The following ZFAT variants were observed in gnomAD, a reference collection of about 807,000 sequenced individuals.
ZFAT encodes the protein zinc finger and AT-hook domain containing.
A neutral mutation model predicts 117.7 loss-of-function variants in ZFAT; 64 were observed. That is an observed-to-expected ratio of 0.54 (90% CI 0.44 to 0.67). The LOEUF (loss-of-function observed/expected upper bound fraction) is 0.67, where lower values mean the gene tolerates loss of function less well. Among genes scored for constraint, ZFAT ranks in the 30% least tolerant of loss-of-function variants. The pLI is 0.00. For synonymous variants in ZFAT, 679 were observed against 615.0 expected (o/e 1.10, Z -1.54); for missense variants, 1,433 against 1,584.5 (o/e 0.90, Z 1.62).
intron 15 of ZFAT, among the ~76,000 whole-genome samples, chr8:134,496,558 A>T (rs59582977): frequency 0.2 from 30,848 of 152,168 alleles, 3,410 homozygotes; most frequent in Non-Finnish European, 0.25. Context: ...ACTGGGCCCC[A>T]CTAGCTCAGC....
chr8:134,482,822 T>C (rs988147530), intron 15 of ZFAT, among the ~76,000 whole-genome samples: 1 of 152,220 alleles, frequency 6.6e-6, no homozygotes, highest in Non-Finnish European at 1.5e-5. Context: ...TGTGCACAAA[T>C]GTGACAGGGA....
intron 13 of ZFAT, among the ~76,000 whole-genome samples, chr8:134,518,541 T>C (rs1820407409): frequency 6.6e-6 from 1 of 152,190 alleles, no homozygotes; most frequent in African/African-American, 2.4e-5. Flanking sequence ...GATCATGTTT[T>C]CAGATATTCG....
At chr8:134,800,686 G>A in the ZFAT span, 1 of 388,148 alleles carries the variant, frequency 2.6e-6, no homozygotes. Context: ...AACAGGCACA[G>A]CATTCACATA....
At chr8:134,480,264 A>T (rs1463405235) in intron 15 of ZFAT, among the ~76,000 whole-genome samples, 1 of 152,186 alleles carries the variant, frequency 6.6e-6, no homozygotes, top group Middle Eastern at 3.2e-3. Context: ...ACCCGGCCTC[A>T]ACCACACTTT....
chr8:134,619,716 G>T (rs1828982842), intron 3 of ZFAT, among the ~76,000 whole-genome samples: 1 of 152,202 alleles, frequency 6.6e-6, no homozygotes, highest in Admixed American at 6.5e-5. Context: ...AAATAGCAAG[G>T]GAAGGCCTCT....
At chr8:134,740,173 C>T in the ZFAT span, among the ~76,000 whole-genome samples, 1 of 152,170 alleles carries the variant, frequency 6.6e-6, no homozygotes, top group Non-Finnish European at 1.5e-5. Context: ...ACCCTTGTCT[C>T]GGGGAAATCC....
chr8:134,577,330 C>G (rs1261079472), intron 10 of ZFAT, among the ~76,000 whole-genome samples: 1 of 152,168 alleles, frequency 6.6e-6, no homozygotes, highest in Non-Finnish European at 1.5e-5. Context: ...GGATCTATCA[C>G]TTTAAGCCAG....
the ZFAT span, chr8:134,793,417 G>A: frequency 6.6e-6 from 1 of 152,184 alleles, no homozygotes; most frequent in East Asian, 1.9e-4. Context: ...TGAGTGCTTG[G>A]TATGTGCCAG....
chr8:134,495,445 T>C (rs916447463), intron 15 of ZFAT, among the ~76,000 whole-genome samples: 2 of 152,174 alleles, frequency 1.3e-5, no homozygotes, highest in Non-Finnish European at 2.9e-5. Context: ...ATTTCAATCA[T>C]ATGAATTAAG....
intron 11 of ZFAT, among the ~76,000 whole-genome samples, chr8:134,563,695 A>G (rs1422514635): frequency 6.6e-6 from 1 of 152,206 alleles, no homozygotes; most frequent in African/African-American, 2.4e-5. Flanking sequence ...GGAAGATAAT[A>G]TGTACCATGA....
At chr8:134,827,832 G>A in the ZFAT span, among the ~76,000 whole-genome samples, 1 of 151,682 alleles carries the variant, frequency 6.6e-6, no homozygotes, top group Non-Finnish European at 1.5e-5. Context: ...AAAGTATGGT[G>A]CACTAATGAC....
At chr8:134,750,708 G>A in the ZFAT span, among the ~76,000 whole-genome samples, 13 of 152,174 alleles carry the variant, frequency 8.5e-5, no homozygotes, top group Non-Finnish European at 1.6e-4. Flanking sequence ...TGAAGTTGCA[G>A]TGAGCCGTGA....
the ZFAT span, among the ~76,000 whole-genome samples, chr8:134,783,188 C>G: frequency 6.6e-6 from 1 of 152,084 alleles, no homozygotes; most frequent in East Asian, 1.9e-4. Flanking sequence ...ATGAAACAAA[C>G]TTATTTTTTC....
intron 13 of ZFAT, among the ~76,000 whole-genome samples, chr8:134,518,536 T>C (rs1820407112): frequency 6.6e-6 from 1 of 152,318 alleles, no homozygotes; most frequent in South Asian, 2.1e-4. Context: ...AGGCTGATCA[T>C]GTTTTCAGAT....
chr8:134,683,120 C>G (rs1377167737), intron 1 of ZFAT, among the ~76,000 whole-genome samples: 1 of 152,166 alleles, frequency 6.6e-6, no homozygotes, highest in Non-Finnish European at 1.5e-5. Context: ...AATAAACATA[C>G]AAATTCACTA....
chr8:134,637,368 T>C (rs1830280192), intron 3 of ZFAT, 93 bp downstream of exon 3: 4 of 1,481,646 alleles, frequency 2.7e-6, no homozygotes, highest in South Asian at 1.3e-5. Flanking sequence ...ATATGTGCTA[T>C]TTCCAAGTAA....
At chr8:134,819,997 G>C in the ZFAT span, among the ~76,000 whole-genome samples, 1 of 152,150 alleles carries the variant, frequency 6.6e-6, no homozygotes, top group Admixed American at 6.5e-5. Flanking sequence ...AATTCACATA[G>C]AATCTAGGAC....
At chr8:134,521,849 C>T (rs1234710460) in intron 12 of ZFAT, among the ~76,000 whole-genome samples, 1 of 152,234 alleles carries the variant, frequency 6.6e-6, no homozygotes, top group Non-Finnish European at 1.5e-5. Context: ...GGCCGCCACC[C>T]TGAGCTGGGC....
Position 134,643,538 on chromosome 8 carries a change from A to G in ZFAT, c.197-5826T>C, listed in dbSNP as rs563731719. 1.7e-3 allele frequency among the ~76,000 whole-genome samples: 260 copies of G among 152,280 alleles called. 1 individual carries two copies. Among genetic ancestry groups the G allele is most frequent in the African/African-American group, 5.9e-3 (245 of 41,538 alleles). On this transcript the variant is annotated intron_variant, in intron 2 of 15. Coordinates refer to ENST00000377838, the MANE Select transcript of ZFAT (RefSeq NM_020863.4). The stretch of plus-strand genomic sequence containing the variant: ...GCACTTGTCTCAGAACCTATGAAAA[A>G]GGTCAGTATCTTATCTCTCTTTGAC...
Sources: gnomAD v4.1 joint callset for allele counts (sites outside exome capture counted in the v4.1 genomes callset) on GRCh38, gnomAD v4.1.1 for gene constraint, MANE v1.5 for transcripts, NCBI Gene and HGNC (gene_info 2026-07-23, HGNC 2026-07-21) for gene names.